FAM171A1: variants seen among roughly 807,000 people sequenced by gnomAD.
FAM171A1 encodes the protein protein FAM171A1.
A neutral mutation model predicts 74.9 loss-of-function variants in FAM171A1; 23 were observed. The observed-to-expected ratio is 0.31, with a 90% CI of 0.22 to 0.44. The LOEUF (loss-of-function observed/expected upper bound fraction) is 0.44. FAM171A1 is among the 20% of genes least tolerant of loss of function. FAM171A1 has a pLI of 1.00. For synonymous variants in FAM171A1, 527 were observed against 505.7 expected, an observed-to-expected ratio of 1.04 and a Z score of -0.57; for missense variants, 1,162 against 1,159.2, an observed-to-expected ratio of 1.00 and a Z score of -0.03.
At chr10:15,371,608 C>T (rs958227149), upstream of FAM171A1, among the ~76,000 whole-genome samples, 5 of 152,188 alleles carry the variant, frequency 3.3e-5, no homozygotes, top group African/African-American at 1.2e-4. Context: ...GTAGATTTCA[C>T]ACCCAGTGTT....
Position 15,214,353 on chromosome 10 carries a change from G to T in FAM171A1, c.1235C>A (p.Thr412Asn). 1.2e-6 allele frequency: 2 copies of T among 1,613,058 alleles called. No homozygotes were observed. The highest frequency in any genetic ancestry group is 1.7e-6 in the Non-Finnish European group (2 of 1,179,344). ...MSPGGEGDLH[T>N]PMLKLSYSTS... is the part of the protein sequence containing the mutation. ...GCTGTAGGAGAGCTTGAGCATGGGG[G>T]TGTGCAGGTCCCCTTCGCCGCCCGG... The change falls in exon 8 of 8, where the codon ACC becomes AAC. Residue 412 changes from threonine to asparagine, a missense_variant. Transcript: ENST00000378116.
In FAM171A1 at chr10:15,289,990, G is replaced by A. The variant is rs531570472; in HGVS notation, c.98-5885C>T. Among the ~76,000 whole-genome samples, 9 of 152,298 alleles carry A rather than the reference G, an allele frequency of 5.9e-5. No homozygotes were observed. In the East Asian group the frequency reaches 1.7e-3, roughly 29 times the overall value. ...CACGCCTGTAATCCCAGCACTTTGG[G>A]AGGCCGAGGCGGGCGGGTCACGAGG... is the stretch of plus-strand genomic sequence containing the variant. On this transcript the variant is annotated intron_variant, in intron 1 of 7. Coordinates refer to ENST00000378116, the MANE Select transcript of FAM171A1 (RefSeq NM_001010924.2).
In FAM171A1 at chr10:15,248,676, A is replaced by C; in HGVS notation, c.717T>G (p.Asn239Lys). The C allele has an allele frequency of 6.2e-7, 1 of 1,611,648 alleles. No homozygotes were observed. The highest frequency in any genetic ancestry group is 1.1e-5 in the South Asian group (1 of 90,420). Reference sequence around the variant, plus strand: ...CAAACCGCCACGCCGCGACATAGGCATTGTGCCTCAGGCTGCTCTGCGTGG... The same window carrying C: ...CAAACCGCCACGCCGCGACATAGGCCTTGTGCCTCAGGCTGCTCTGCGTGG... ...PLATQSSLRH[N>K]AYVAAWRFDQ... The change falls in exon 5 of 8, where the codon AAT becomes AAG. Residue 239 changes from asparagine to lysine, a missense_variant. Coordinates refer to ENST00000378116, the MANE Select transcript of FAM171A1 (RefSeq NM_001010924.2).
At chr10:15,233,508 CG>C (rs1440458041) in intron 5 of FAM171A1, among the ~76,000 whole-genome samples, 1 of 142,232 alleles carries the variant, frequency 7.0e-6, no homozygotes, top group Non-Finnish European at 1.5e-5. Flanking sequence ...CTGCACATGC[CG>C]GGTGTATTCA....
In FAM171A1 at chr10:15,274,291, A is replaced by T. The variant is rs1413614123; in HGVS notation, c.418+1564T>A. ...GAGTGAACTCCCATTCACAATTGCT[A>T]CAAAGAGAATAAAATACCTAGGAAT... On this transcript the variant is annotated intron_variant, in intron 3 of 7. Transcript: ENST00000378116. Among the ~76,000 whole-genome samples, 15 of 152,126 alleles carry T rather than the reference A, an allele frequency of 9.9e-5. No homozygotes were observed. In the South Asian group the frequency reaches 1.4e-3, roughly 15 times the overall value.
Position 15,360,899 on chromosome 10 carries a change from G to A in FAM171A1, c.97+10057C>T, listed in dbSNP as rs142267589. ...GACTTTTTACTTGATTAATGTTACA[G>A]TCACCTAAAAGATCTAAGTATTTTT... On this transcript the variant is annotated intron_variant, in intron 1 of 7. Transcript: ENST00000378116. Among the ~76,000 whole-genome samples the A allele has an allele frequency of 8.3e-3, 1,261 of 152,248 alleles. 19 individuals are homozygous for A. The highest frequency in any genetic ancestry group is 0.029 in the African/African-American group (1,200 of 41,536).
chr10:15,363,880 T>A (rs1836026597), intron 1 of FAM171A1, among the ~76,000 whole-genome samples: 1 of 152,180 alleles, frequency 6.6e-6, no homozygotes, highest in Non-Finnish European at 1.5e-5. Flanking sequence ...GTCGAGGTGT[T>A]TCCACAGCGC....
chr10:15,313,444 G>A (rs1835387560), intron 1 of FAM171A1, among the ~76,000 whole-genome samples: 1 of 152,054 alleles, frequency 6.6e-6, no homozygotes, highest in South Asian at 2.1e-4. Context: ...TGGCACCAAG[G>A]GTCCAAGATT....
At chr10:15,236,684 C>T (rs556981257) in intron 5 of FAM171A1, among the ~76,000 whole-genome samples, 1 of 152,320 alleles carries the variant, frequency 6.6e-6, no homozygotes, top group East Asian at 1.9e-4. Context: ...GTGGAGGCAA[C>T]TGAAACCAGG....
rs114129407 is a variant in FAM171A1, at chr10:15,227,904, G to A, written c.755-6844C>T. 4.8e-3 allele frequency among the ~76,000 whole-genome samples: 733 copies of A among 152,266 alleles called. 6 individuals are homozygous for A. Among genetic ancestry groups the A allele is most frequent in the African/African-American group, 0.017 (712 of 41,542 alleles). ...ACAACTGACAGGCAGGGAAAGATGT[G>A]TCCTGCAAGATCTGATGCTGTCTCC... On this transcript the variant is annotated intron_variant, in intron 5 of 7. Coordinates refer to ENST00000378116, the MANE Select transcript of FAM171A1 (RefSeq NM_001010924.2).
rs188803627 is a variant in FAM171A1 at position 15,290,896 on chromosome 10, C to T, written c.98-6791G>A. 3.9e-5 allele frequency among the ~76,000 whole-genome samples: 6 copies of T among 152,260 alleles called. No homozygotes were observed. The East Asian group carries it at 1.2e-3, about 29-fold the overall frequency. Reference sequence around the variant, plus strand: ...AGGGGTCTGGGCCACCCATGTACCGCCGTTTTGTTTTGTTTAGAGTCTTAG... The same window carrying T: ...AGGGGTCTGGGCCACCCATGTACCGTCGTTTTGTTTTGTTTAGAGTCTTAG... On this transcript the variant is annotated intron_variant, in intron 1 of 7. Coordinates refer to ENST00000378116, the MANE Select transcript of FAM171A1 (RefSeq NM_001010924.2).
At chr10:15,325,943 A>T (rs563362815) in intron 1 of FAM171A1, among the ~76,000 whole-genome samples, 5 of 152,300 alleles carry the variant, frequency 3.3e-5, no homozygotes, top group Admixed American at 3.3e-4. Context: ...CTTGTAAACC[A>T]CATTTCTGAC....
In FAM171A1 at chr10:15,267,493, C is replaced by G. The variant is rs796416477; in HGVS notation, c.418+8362G>C. Among the ~76,000 whole-genome samples, 136 of 149,434 alleles carry G rather than the reference C, an allele frequency of 9.1e-4. 1 individual carries two copies. Among genetic ancestry groups the G allele is most frequent in the African/African-American group, 3.2e-3 (130 of 40,740 alleles). On this transcript the variant is annotated intron_variant, in intron 3 of 7. Transcript: ENST00000378116. ...TGGCACGTGTGTGTAGTCCCAGCTA[C>G]TCAGCAGGCTAAGGCAGGAGAATCA...
At chr10:15,307,207 C>T (rs992987438) in intron 1 of FAM171A1, among the ~76,000 whole-genome samples, 6 of 152,156 alleles carry the variant, frequency 3.9e-5, no homozygotes, top group Admixed American at 2.6e-4. Flanking sequence ...TTCCCATTTG[C>T]TTGCAGGGTG....
chr10:15,214,793 C>T (rs916548077), intron 7 of FAM171A1, among the ~76,000 whole-genome samples, 192 bp from the exon 8 acceptor site: 1 of 149,302 alleles, frequency 6.7e-6, no homozygotes, highest in African/African-American at 2.5e-5. Flanking sequence ...ATCTTGCTTG[C>T]TCTGTCGCCC....
At chr10:15,344,999 C>A (rs903272870) in intron 1 of FAM171A1, among the ~76,000 whole-genome samples, 1 of 152,228 alleles carries the variant, frequency 6.6e-6, no homozygotes, top group Non-Finnish European at 1.5e-5. Flanking sequence ...ACAAAGGAAG[C>A]ATTCAACTCA....
rs112007117 is a variant in FAM171A1 at position 15,280,671 on chromosome 10, T to C, written c.325+3207A>G. ...TTTCTGGGTTTCGTAAGAATGCTCA[T>C]GCACACACAAGCAGTGTGCTGCACA... On this transcript the variant is annotated intron_variant, in intron 2 of 7. Coordinates refer to ENST00000378116, the MANE Select transcript of FAM171A1 (RefSeq NM_001010924.2). Among the ~76,000 whole-genome samples, 43 of 152,338 alleles carry C rather than the reference T, an allele frequency of 2.8e-4. 1 individual carries two copies. Among genetic ancestry groups the C allele is most frequent in the African/African-American group, 1.0e-3 (42 of 41,588 alleles).
intron 1 of FAM171A1, among the ~76,000 whole-genome samples, chr10:15,329,152 G>A (rs548333027): frequency 6.6e-6 from 1 of 152,312 alleles, no homozygotes; most frequent in Non-Finnish European, 1.5e-5. Context: ...GAACAGCCAA[G>A]TACTGCATAT....
At chr10:15,317,051 A>G (rs2131843681) in intron 1 of FAM171A1, among the ~76,000 whole-genome samples, 1 of 152,184 alleles carries the variant, frequency 6.6e-6, no homozygotes, top group Middle Eastern at 3.4e-3. Context: ...CTGGGAGAAA[A>G]AAAAAAAAAA....
Sources: allele counts gnomAD v4.1 joint callset (sites outside exome capture counted in the v4.1 genomes callset), GRCh38; gene constraint gnomAD v4.1.1; transcripts MANE v1.5; gene names NCBI Gene and HGNC (gene_info 2026-07-23, HGNC 2026-07-21).